The following DPP6 variants were observed in gnomAD, a reference collection of about 807,000 sequenced individuals.
DPP6 encodes A-type potassium channel modulatory protein DPP6.
In DPP6, 69 loss-of-function variants were observed where a neutral mutation model predicts 122.6. The observed-to-expected ratio is 0.56, with a 90% CI of 0.46 to 0.69. The LOEUF is 0.69. DPP6 is among the 30% of genes least tolerant of loss of function. DPP6 has a pLI of 0.00. For missense variants in DPP6, 928 were observed against 1,116.9 expected, an observed-to-expected ratio of 0.83 and a Z score of 2.41; for synonymous variants, 418 against 433.1, an observed-to-expected ratio of 0.97 and a Z score of 0.43.
chr7:154,480,847 T>C (rs961296100), intron 3 of DPP6, among the ~76,000 whole-genome samples: 3 of 152,190 alleles, frequency 2.0e-5, no homozygotes, highest in African/African-American at 7.2e-5. Flanking sequence ...ACCTTTCTGA[T>C]GTCAGTTGAT....
chr7:154,491,396 C>T (rs1216622801), intron 3 of DPP6, among the ~76,000 whole-genome samples: 1 of 152,146 alleles, frequency 6.6e-6, no homozygotes, highest in Admixed American at 6.5e-5. Flanking sequence ...TGCTCAGATC[C>T]CACAGATGAG....
At chr7:153,891,166 C>T (rs967577340) in intron 1 of DPP6, among the ~76,000 whole-genome samples, 4 of 151,458 alleles carry the variant, frequency 2.6e-5, no homozygotes, top group Admixed American at 1.3e-4. Flanking sequence ...GGACTACAGG[C>T]GCCCACCACC....
At chr7:154,656,944 T>G (rs1213193649) in intron 6 of DPP6, among the ~76,000 whole-genome samples, 2 of 11,662 alleles carry the variant, frequency 1.7e-4, no homozygotes, top group African/African-American at 3.2e-4. Context: ...TGCTCATGGG[T>G]GGGTGGAGAG....
chr7:154,858,966 G>A (rs1406432864), intron 17 of DPP6, among the ~76,000 whole-genome samples: 1 of 152,194 alleles, frequency 6.6e-6, no homozygotes, highest in Non-Finnish European at 1.5e-5. Flanking sequence ...ACTTCAGGGC[G>A]AGGCCCGGAC....
intron 7 of DPP6, among the ~76,000 whole-genome samples, chr7:154,693,567 T>G (rs1840050297): frequency 6.6e-6 from 1 of 152,126 alleles, no homozygotes. Flanking sequence ...GCCTCCCAGG[T>G]GGGTGGGAGG....
At chr7:154,649,858 G>A (rs559460856) in intron 6 of DPP6, among the ~76,000 whole-genome samples, 16 of 152,320 alleles carry the variant, frequency 1.1e-4, no homozygotes, top group African/African-American at 3.8e-4. Context: ...CCCATGGAGC[G>A]GATTCCACGT....
chr7:154,769,280 G>A lies in DPP6; in HGVS notation c.884-137G>A, dbSNP rs938095347. 1.6e-5 allele frequency: 17 copies of A among 1,074,840 alleles called. No individual in the cohort carries two copies. The East Asian group carries it at 4.1e-4, about 26-fold the overall frequency. The allele number at this position is 1,074,840 out of a possible 1,614,324, so 66.6% of individuals were successfully genotyped here. A position where few individuals can be genotyped will look rare whatever the true frequency, so the allele number is the denominator to read the frequency against. On this transcript the variant is annotated intron_variant, in intron 8 of 25. Transcript: ENST00000377770. ...GAAGCATGTGCAGAACACAGTGAAGGTTCCTCAAAGGTTGTAGCAGATAAG... is the reference window on the plus strand; with the variant it reads ...GAAGCATGTGCAGAACACAGTGAAGATTCCTCAAAGGTTGTAGCAGATAAG...
intron 16 of DPP6, among the ~76,000 whole-genome samples, chr7:154,815,671 T>A (rs1799379444): frequency 6.6e-6 from 1 of 152,232 alleles, no homozygotes; most frequent in Admixed American, 6.5e-5. Flanking sequence ...CTAAATAAAC[T>A]TCCTTCTCCT....
chr7:154,011,163 G>A (rs1798137830), intron 1 of DPP6, among the ~76,000 whole-genome samples: 1 of 152,152 alleles, frequency 6.6e-6, no homozygotes, highest in African/African-American at 2.4e-5. Context: ...AGAAAGTCCT[G>A]ACAAATTACT....
intron 8 of DPP6, among the ~76,000 whole-genome samples, chr7:154,738,239 G>GC (rs1054690853): frequency 5.3e-4 from 80 of 152,176 alleles, no homozygotes; most frequent in Admixed American, 2.9e-3. Flanking sequence ...CATCTCCAGG[G>GC]CCCCCCCAGC....
At chr7:154,153,003 A>C (rs1260893329) in intron 1 of DPP6, among the ~76,000 whole-genome samples, 1 of 152,266 alleles carries the variant, frequency 6.6e-6, no homozygotes, top group East Asian at 1.9e-4. Context: ...CATAAAAAGC[A>C]TAAAACCCGA....
chr7:153,952,950 G>A (rs1476745155), intron 1 of DPP6, among the ~76,000 whole-genome samples: 1 of 152,126 alleles, frequency 6.6e-6, no homozygotes, highest in East Asian at 1.9e-4. Flanking sequence ...TCTTAATCCA[G>A]GAGAAAATTA....
chr7:154,089,305 G>C (rs150940685), intron 1 of DPP6, among the ~76,000 whole-genome samples: 1 of 147,880 alleles, frequency 6.8e-6, no homozygotes, highest in Non-Finnish European at 1.5e-5. Context: ...AGAGACTGCT[G>C]TCCAATTATT....
At chr7:154,579,278 G>A (rs775439500) in intron 5 of DPP6, among the ~76,000 whole-genome samples, 1 of 152,142 alleles carries the variant, frequency 6.6e-6, no homozygotes, top group East Asian at 1.9e-4. Context: ...GAACCCGGGA[G>A]GCAGAGGTGG....
At chr7:154,443,674 A>G (rs1270764253) in intron 1 of DPP6, among the ~76,000 whole-genome samples, 3 of 149,158 alleles carry the variant, frequency 2.0e-5, no homozygotes, top group Admixed American at 6.6e-5. Flanking sequence ...GGATGGATGG[A>G]TGAGTGGATG....
chr7:154,653,252 A>G (rs35456440), intron 6 of DPP6, among the ~76,000 whole-genome samples: 18,577 of 152,256 alleles, frequency 0.12, 1,492 homozygotes, highest in Non-Finnish European at 0.18. Flanking sequence ...AGCTCGGGAG[A>G]CCAAGGTAGG....
chr7:154,010,951 G>A (rs1474934871), intron 1 of DPP6, among the ~76,000 whole-genome samples: 1 of 152,214 alleles, frequency 6.6e-6, no homozygotes, highest in African/African-American at 2.4e-5. Flanking sequence ...ATAGTCAGAA[G>A]TAGAAATGGG....
chr7:154,665,970 A>G (rs1196580152), intron 6 of DPP6, among the ~76,000 whole-genome samples: 3 of 151,896 alleles, frequency 2.0e-5, no homozygotes, highest in East Asian at 1.9e-4. Flanking sequence ...GGGAGAAACA[A>G]ATTTACTCAC....
At chr7:154,139,508 G>A (rs1381785302) in intron 1 of DPP6, among the ~76,000 whole-genome samples, 2 of 150,792 alleles carry the variant, frequency 1.3e-5, no homozygotes, top group Non-Finnish European at 3.0e-5. Flanking sequence ...CATCCTCATA[G>A]ACACACCCAA....
Sources: gnomAD v4.1 joint callset for allele counts (sites outside exome capture counted in the v4.1 genomes callset) on GRCh38, gnomAD v4.1.1 for gene constraint, MANE v1.5 for transcripts, NCBI Gene and HGNC (gene_info 2026-07-23, HGNC 2026-07-21) for gene names.